The following CACHD1 variants were observed in gnomAD, a reference collection of about 807,000 sequenced individuals.
The protein encoded by CACHD1 is VWFA and cache domain-containing protein 1.
A neutral mutation model predicts 138.7 loss-of-function variants in CACHD1; 71 were observed. That is an observed-to-expected ratio of 0.51 (90% CI 0.42 to 0.62). The LOEUF (loss-of-function observed/expected upper bound fraction) is 0.62. Ranked by LOEUF, CACHD1 falls within the 20% of genes least tolerant of loss-of-function variation. The pLI is 0.00. For synonymous variants in CACHD1, 578 were observed against 591.5 expected, an observed-to-expected ratio of 0.98 and a Z score of 0.33; for missense variants, 1,389 against 1,625.3, an observed-to-expected ratio of 0.85 and a Z score of 2.50.
intron 12 of CACHD1, among the ~76,000 whole-genome samples, chr1:64,656,813 G>T (rs954769985): frequency 8.6e-5 from 13 of 151,744 alleles, no homozygotes; most frequent in East Asian, 3.9e-4. Flanking sequence ...AGGCTAGGCT[G>T]GTTACCCAGT....
intron 2 of CACHD1, among the ~76,000 whole-genome samples, chr1:64,559,253 C>T (rs1646821110): frequency 6.6e-6 from 1 of 152,170 alleles, no homozygotes; most frequent in Admixed American, 6.5e-5. Context: ...CCTAAATGCC[C>T]ATCAATGACA....
intron 2 of CACHD1, among the ~76,000 whole-genome samples, chr1:64,556,760 CTA>C (rs1441664126): frequency 1.3e-5 from 2 of 152,172 alleles, no homozygotes; most frequent in Admixed American, 6.5e-5. Context: ...AATTAGTTCA[CTA>C]TATGTAGTTT....
At chr1:64,686,046 C>T (rs572374030) in intron 26 of CACHD1, among the ~76,000 whole-genome samples, 5 of 152,188 alleles carry the variant, frequency 3.3e-5, no homozygotes, top group African/African-American at 1.2e-4. Context: ...TGACAGCTTC[C>T]TTAAAAGAGT....
At position 64,634,148 on chromosome 1, in the gene CACHD1, C is replaced by T. The variant is rs1648418142; in HGVS notation, c.894C>T (p.Ser298=). The stretch of plus-strand genomic sequence containing the variant: ...CCAGTGAGACAAAAAGGAAAATGTC[C>T]ACCTTTGTTAGCAGCGTGAAGTCTT... The part of the protein sequence containing the change: ...PATSETKRKM[S]TFVSSVKSSD... Residue 298 remains serine (S), a synonymous_variant, in exon 7 of 27, where the codon TCC becomes TCT. Coordinates refer to ENST00000651257, the MANE Select transcript of CACHD1 (RefSeq NM_020925.4). 6.2e-7 allele frequency: 1 copy of T among 1,613,822 alleles called. No individual in the cohort carries two copies. The highest frequency in any genetic ancestry group is 8.5e-7 in the Non-Finnish European group (1 of 1,179,954).
rs780309506 is a variant in CACHD1, at chr1:64,678,236, G to C, written c.3170G>C (p.Cys1057Ser). ...AAGACTCACCTGGACAAACCCTACT[G>C]TGCCCCCCAGAAAGAATGCTTCGGG... ...DGKTHLDKPYCAPQKECFGGI... is the reference protein window; with the variant it reads ...DGKTHLDKPYSAPQKECFGGI... Residue 1057 changes from cysteine (C) to serine (S), a missense_variant, in exon 23 of 27, where the codon TGT (cysteine) becomes TCT (serine). Physicochemically the swap from Cys to Ser is moderately radical, Grantham distance 112 (BLOSUM62 -1). This residue lies in a region of CACHD1 where 250 missense variants were observed against 292.9 expected (regional missense o/e 0.85). Transcript: ENST00000651257. 1.2e-6 allele frequency: 2 copies of C among 1,611,990 alleles called. No individual in the cohort carries two copies. Among genetic ancestry groups the C allele is most frequent in the South Asian group, 2.2e-5 (2 of 90,502 alleles).
intron 8 of CACHD1, among the ~76,000 whole-genome samples, chr1:64,643,082 G>A (rs114220492): frequency 1.7e-5 from 2 of 120,870 alleles, no homozygotes; most frequent in African/African-American, 3.0e-5. Flanking sequence ...GCCATGTCTT[G>A]ATCAAGCAGT....
At chr1:64,487,097 G>A (rs950894910) in intron 1 of CACHD1, among the ~76,000 whole-genome samples, 3 of 152,190 alleles carry the variant, frequency 2.0e-5, no homozygotes, top group African/African-American at 4.8e-5. Flanking sequence ...GAAGATGAGC[G>A]AGGATAGGAT....
At chr1:64,605,830 T>C (rs914144002) in intron 4 of CACHD1, among the ~76,000 whole-genome samples, 11 of 152,192 alleles carry the variant, frequency 7.2e-5, no homozygotes, top group Non-Finnish European at 1.3e-4. Context: ...TCTGGCTTCA[T>C]TGTTAGAAGT....
intron 16 of CACHD1, among the ~76,000 whole-genome samples, chr1:64,668,316 G>C (rs900295613): frequency 3.4e-4 from 47 of 138,314 alleles, no homozygotes; most frequent in Admixed American, 8.5e-4. Flanking sequence ...GACAGAGCAA[G>C]ACTGCATCTC....
At chr1:64,592,966 A>G (rs1647119811) in intron 3 of CACHD1, among the ~76,000 whole-genome samples, 1 of 152,212 alleles carries the variant, frequency 6.6e-6, no homozygotes, top group Admixed American at 6.5e-5. Flanking sequence ...TTTGGTAAGG[A>G]GGAAGATTAG....
rs551374649 is a variant in CACHD1, at chr1:64,626,051, G to A, written c.518-3304G>A. Among the ~76,000 whole-genome samples the A allele has an allele frequency of 1.0e-3, 154 of 152,116 alleles. 6 individuals carry two copies. In the South Asian group the frequency reaches 0.031, roughly 31 times the overall value. ...GGGCATAAGTTTCTGGGAGTGGGCA[G>A]GTTGACAGAGGCATCACCATGGGGC... On this transcript the variant is annotated intron_variant, in intron 4 of 26. Coordinates refer to ENST00000651257, the MANE Select transcript of CACHD1 (RefSeq NM_020925.4).
At position 64,692,908 on chromosome 1, in the gene CACHD1, G is replaced by A. The variant is rs536785700; in HGVS notation, c.*1347G>A. 36 of 152,728 alleles carry A rather than the reference G, an allele frequency of 2.4e-4. No individual in the cohort carries two copies. The highest frequency in any genetic ancestry group is 8.7e-4 in the African/African-American group (36 of 41,564). 9.5% of individuals were successfully genotyped at this position (152,728 alleles called of 1,614,324 possible). On this transcript the variant is annotated 3_prime_UTR_variant, in exon 27 of 27. Transcript: ENST00000651257. Reference sequence around the variant, plus strand: ...AGTTGGAAAAAATTCACTGAATAATGTTTTAATGATAGGGTATTATGATAC... The same window carrying A: ...AGTTGGAAAAAATTCACTGAATAATATTTTAATGATAGGGTATTATGATAC...
chr1:64,590,462 A>G (rs897779898), intron 3 of CACHD1, among the ~76,000 whole-genome samples: 10 of 151,960 alleles, frequency 6.6e-5, no homozygotes, highest in African/African-American at 2.4e-4. Context: ...ATACATTTCT[A>G]TAATAGGATT....
At chr1:64,497,689 A>C (rs1002144506) in intron 1 of CACHD1, among the ~76,000 whole-genome samples, 4 of 152,194 alleles carry the variant, frequency 2.6e-5, no homozygotes, top group Non-Finnish European at 5.9e-5. Context: ...TCAGCATATC[A>C]AAAAGGGGCA....
At chr1:64,588,629 C>T (rs559894167) in intron 3 of CACHD1, among the ~76,000 whole-genome samples, 39 of 152,272 alleles carry the variant, frequency 2.6e-4, no homozygotes, top group African/African-American at 8.9e-4. Context: ...CTACCCGCCT[C>T]AGCCTCCCAA....
chr1:64,508,856 A>G (rs1646397255), intron 1 of CACHD1, among the ~76,000 whole-genome samples: 1 of 152,000 alleles, frequency 6.6e-6, no homozygotes, highest in African/African-American at 2.4e-5. Context: ...TTGCCTCCCT[A>G]GTTCATCTTT....
intron 4 of CACHD1, among the ~76,000 whole-genome samples, chr1:64,628,118 A>G (rs946994715): frequency 2.6e-5 from 4 of 152,212 alleles, no homozygotes; most frequent in Admixed American, 6.5e-5. Context: ...CTCTTTGTCT[A>G]CAGTAGAGGT....
At chr1:64,526,910 G>A (rs1464814300) in intron 1 of CACHD1, among the ~76,000 whole-genome samples, 1 of 152,116 alleles carries the variant, frequency 6.6e-6, no homozygotes, top group Non-Finnish European at 1.5e-5. Flanking sequence ...ATTCCTCTAG[G>A]GAAAGGAAAA....
At chr1:64,513,660 T>G (rs1646438011) in intron 1 of CACHD1, among the ~76,000 whole-genome samples, 2 of 151,942 alleles carry the variant, frequency 1.3e-5, no homozygotes, top group Non-Finnish European at 2.9e-5. Context: ...GAAAGAGTGC[T>G]TACTTTCTAG....
Sources: allele counts gnomAD v4.1 joint callset (sites outside exome capture counted in the v4.1 genomes callset), GRCh38; gene constraint gnomAD v4.1.1; regional missense constraint gnomAD v4.1.1; transcripts MANE v1.5; gene names NCBI Gene and HGNC (gene_info 2026-07-23, HGNC 2026-07-21).